Variants in DSTYK observed in about 807,000 individuals in gnomAD.
The protein encoded by DSTYK is dual serine/threonine and tyrosine protein kinase.
DSTYK carries 34 observed loss-of-function variants against 98.7 expected under a neutral mutation model. The ratio of observed to expected loss-of-function variants is 0.34; its 90% confidence interval spans 0.26 to 0.46. The LOEUF is 0.46. Among genes scored for constraint, DSTYK ranks in the 20% least tolerant of loss-of-function variants. DSTYK has a pLI of 1.00. For synonymous variants in DSTYK, 462 were observed against 457.3 expected (o/e 1.01, Z -0.13); for missense variants, 962 against 1,181.7 (o/e 0.81, Z 2.73).
In DSTYK at chr1:205,145,311, T is replaced by C. The variant is rs957319072; in HGVS notation, c.*2247A>G. On this transcript the variant is annotated 3_prime_UTR_variant, in exon 13 of 13. Coordinates refer to ENST00000367162, the MANE Select transcript of DSTYK (RefSeq NM_015375.3). Reference sequence around the variant, plus strand: ...TTGCAAGTAAAAAGGTTATTAGCACTACATGGAATTTCTGAAAGGCTCCAA... The same window carrying C: ...TTGCAAGTAAAAAGGTTATTAGCACCACATGGAATTTCTGAAAGGCTCCAA... 2.0e-5 allele frequency: 3 copies of C among 152,302 alleles called. No individual in the cohort carries two copies. Among genetic ancestry groups the C allele is most frequent in the Admixed American group, 6.5e-5 (1 of 15,294 alleles). 9.4% of individuals were successfully genotyped at this position (152,302 alleles called of 1,614,324 possible).
intron 2 of DSTYK, among the ~76,000 whole-genome samples, chr1:205,179,650 GC>G (rs1301222206): frequency 1.3e-5 from 2 of 151,206 alleles, no homozygotes; most frequent in East Asian, 3.9e-4. Context: ...TAGACTAGAT[GC>G]TTTCAGGGGT....
chr1:205,191,504 G>T (rs1264897609), intron 1 of DSTYK, among the ~76,000 whole-genome samples: 1 of 152,196 alleles, frequency 6.6e-6, no homozygotes, highest in Non-Finnish European at 1.5e-5. Context: ...ATGGAGGGGG[G>T]TGGAGTTGGA....
rs1657593894 is a variant in DSTYK at position 205,157,397 on chromosome 1, CA to C, written c.2239-12del. ...CAGGGTCAGCCCAGCCTTGGGGAGACAAAAGAGCTTACTTGTCATGATAAGG... is the reference window on the plus strand; with the variant it reads ...CAGGGTCAGCCCAGCCTTGGGGAGACAAAGAGCTTACTTGTCATGATAAGG... On this transcript the variant is annotated splice_polypyrimidine_tract_variant and intron_variant, in intron 9 of 12. Transcript: ENST00000367162. The C allele has an allele frequency of 4.3e-6, 7 of 1,610,672 alleles. No individual in the cohort carries two copies. In the African/African-American group the frequency reaches 6.7e-5, roughly 15 times the overall value.
intron 1 of DSTYK, among the ~76,000 whole-genome samples, chr1:205,192,959 A>G (rs186412322): frequency 6.6e-6 from 1 of 152,296 alleles, no homozygotes; most frequent in African/African-American, 2.4e-5. Context: ...CCTACGCCAC[A>G]TTGTTTTCCA....
At chr1:205,202,720 C>G in intron 1 of DSTYK, 1 of 820,670 alleles carries the variant, frequency 1.2e-6, no homozygotes, top group Admixed American at 1.8e-5. Flanking sequence ...ACTGAAGAAA[C>G]AAAAACTTAT....
intron 9 of DSTYK, 56 bp from the exon 10 acceptor site, chr1:205,157,442 G>T: frequency 7.2e-7 from 1 of 1,398,478 alleles, no homozygotes; most frequent in South Asian, 1.2e-5. Context: ...CAATTCAACT[G>T]ACTATACTAG....
chr1:205,188,788 G>A (rs1220780110), intron 1 of DSTYK, among the ~76,000 whole-genome samples: 3 of 152,100 alleles, frequency 2.0e-5, no homozygotes, highest in East Asian at 1.9e-4. Context: ...TGGTGACAAC[G>A]TCCCAGCTGC....
At chr1:205,191,938 C>A (rs1658725195) in intron 1 of DSTYK, among the ~76,000 whole-genome samples, 1 of 152,040 alleles carries the variant, frequency 6.6e-6, no homozygotes, top group African/African-American at 2.4e-5. Flanking sequence ...TCACATTAAC[C>A]CTGCCAACTC....
intron 2 of DSTYK, among the ~76,000 whole-genome samples, chr1:205,179,868 T>C (rs1192799699): frequency 6.6e-6 from 1 of 152,120 alleles, no homozygotes; most frequent in Non-Finnish European, 1.5e-5. Context: ...TTAGGGAAGA[T>C]TCCCTACCCC....
At chr1:205,157,784 G>A (rs1657607121) in intron 9 of DSTYK, among the ~76,000 whole-genome samples, 1 of 151,784 alleles carries the variant, frequency 6.6e-6, no homozygotes, top group Admixed American at 6.6e-5. Context: ...AAAAGGTTGG[G>A]GGAGAAAAAG....
In DSTYK at chr1:205,211,600, G is replaced by GC. The variant is rs1003431375; in HGVS notation, c.-66dup. On this transcript the variant is annotated 5_prime_UTR_variant, in exon 1 of 13. Transcript: ENST00000367162. ...CGCAGGCCCGGCCTCCCTCCTCCCC[G>GC]CCCCCCAGTGCCGAAGGGAGGAGGA... The GC allele has an allele frequency of 7.1e-5, 100 of 1,403,832 alleles. No individual in the cohort carries two copies. Among genetic ancestry groups the GC allele is most frequent in the Non-Finnish European group, 8.6e-5 (93 of 1,086,970 alleles). The allele number at this position is 1,403,832 out of a possible 1,614,324, so 87.0% of individuals were successfully genotyped here.
At chr1:205,172,721 TG>T (rs768607130) in intron 2 of DSTYK, among the ~76,000 whole-genome samples, 1 of 152,210 alleles carries the variant, frequency 6.6e-6, no homozygotes, top group Non-Finnish European at 1.5e-5. Flanking sequence ...AACTTTAATT[TG>T]CCTGGCCACT....
intron 2 of DSTYK, among the ~76,000 whole-genome samples, chr1:205,171,374 C>G (rs1159078806): frequency 1.3e-5 from 2 of 151,538 alleles, no homozygotes; most frequent in Non-Finnish European, 2.9e-5. Flanking sequence ...CGGCTTGAAC[C>G]CAGGAGGCGG....
At chr1:205,196,337 G>A (rs1178844855) in intron 1 of DSTYK, among the ~76,000 whole-genome samples, 3 of 151,922 alleles carry the variant, frequency 2.0e-5, no homozygotes, top group Admixed American at 6.6e-5. Context: ...CAGGAGGATC[G>A]CTTGAGCCTA....
chr1:205,166,197 C>T (rs1657884458), intron 3 of DSTYK, among the ~76,000 whole-genome samples: 1 of 152,026 alleles, frequency 6.6e-6, no homozygotes, highest in Admixed American at 6.5e-5. Context: ...TGCAGAAGAA[C>T]ATATGGAGAA....
At chr1:205,201,405 C>CAAAAAAAA (rs67120994) in intron 1 of DSTYK, among the ~76,000 whole-genome samples, 5 of 95,482 alleles carry the variant, frequency 5.2e-5, no homozygotes, top group Admixed American at 1.2e-4. Context: ...TTTTTTAATG[C>CAAAAAAAA]AAAAAAAAAA....
chr1:205,194,340 C>G (rs1291034919), intron 1 of DSTYK, among the ~76,000 whole-genome samples: 1 of 152,144 alleles, frequency 6.6e-6, no homozygotes, highest in African/African-American at 2.4e-5. Flanking sequence ...TAACTGAAGG[C>G]TCTTAAGGTA....
rs1657371729 is a variant in DSTYK, at chr1:205,150,545, G to C, written c.2467+135C>G. 5 of 644,380 alleles carry C rather than the reference G, an allele frequency of 7.8e-6. No homozygotes were observed. The East Asian group carries it at 1.4e-4, about 18-fold the overall frequency. The allele number at this position is 644,380 out of a possible 1,614,324, so 39.9% of individuals were successfully genotyped here. ...TTTCCCTGCTACTTGCCTTAGGTAG[G>C]TCTCCCCTGATCTGGTTTCTCCCTT... On this transcript the variant is annotated intron_variant, in intron 11 of 12. Transcript: ENST00000367162. This position sits in a 1 kb window ranked among gnomAD's most constrained non-coding sequence, Gnocchi z 4.1.
At chr1:205,189,293 C>A (rs1292608213) in intron 1 of DSTYK, among the ~76,000 whole-genome samples, 1 of 152,114 alleles carries the variant, frequency 6.6e-6, no homozygotes, top group Non-Finnish European at 1.5e-5. Context: ...AAAAATAATC[C>A]GAAATTAGTT....
Sources: gnomAD v4.1 joint callset for allele counts (sites outside exome capture counted in the v4.1 genomes callset) on GRCh38, gnomAD v4.1.1 for gene constraint, Gnocchi (gnomAD v3.1) non-coding constraint, MANE v1.5 for transcripts, NCBI Gene and HGNC (gene_info 2026-07-23, HGNC 2026-07-21) for gene names.